GSK3B: variants seen among roughly 807,000 people sequenced by gnomAD.
The protein encoded by GSK3B is glycogen synthase kinase-3 beta.
GSK3B carries 15 observed loss-of-function variants against 56.4 expected under a neutral mutation model. The ratio of observed to expected loss-of-function variants is 0.27; its 90% CI spans 0.18 to 0.41. The LOEUF (loss-of-function observed/expected upper bound fraction) is 0.41, where lower values mean the gene tolerates loss of function less well. GSK3B is among the 10% of genes least tolerant of loss of function. The pLI, the probability that GSK3B is intolerant of heterozygous loss-of-function variation, is 1.00. For synonymous variants in GSK3B, 181 were observed against 188.9 expected, an observed-to-expected ratio of 0.96 and a Z score of 0.34; for missense variants, 300 against 513.4, an observed-to-expected ratio of 0.58 and a Z score of 4.02.
At chr3:120,002,686 TAATTACTTC>T (rs1240291192) in intron 1 of GSK3B, among the ~76,000 whole-genome samples, 1 of 152,242 alleles carries the variant, frequency 6.6e-6, no homozygotes, top group Non-Finnish European at 1.5e-5. Context: ...TTATTACATG[TAATTACTTC>T]AATTACTTGT....
chr3:119,995,927 G>A (rs766410520), intron 2 of GSK3B, among the ~76,000 whole-genome samples: 1 of 151,566 alleles, frequency 6.6e-6, no homozygotes, highest in Non-Finnish European at 1.5e-5. Flanking sequence ...TAGTAGAGAC[G>A]GGATTTTGCC....
At chr3:120,062,518 GAACA>G (rs2058246265) in intron 1 of GSK3B, among the ~76,000 whole-genome samples, 1 of 152,092 alleles carries the variant, frequency 6.6e-6, no homozygotes. Flanking sequence ...TCATTTAAAA[GAACA>G]GATACTTAAG....
intron 9 of GSK3B, among the ~76,000 whole-genome samples, chr3:119,854,034 T>A (rs1395426140): frequency 6.6e-6 from 1 of 151,244 alleles, no homozygotes; most frequent in Non-Finnish European, 1.5e-5. Flanking sequence ...TTTTGCCCAT[T>A]CAGTATGATA....
intron 6 of GSK3B, among the ~76,000 whole-genome samples, chr3:119,909,905 T>C (rs987362314): frequency 2.0e-5 from 3 of 152,234 alleles, no homozygotes; most frequent in African/African-American, 7.2e-5. Context: ...CTCTATTCAG[T>C]TCCTTCTATG....
chr3:119,898,683 C>T (rs1026277314), intron 7 of GSK3B, among the ~76,000 whole-genome samples: 4 of 152,182 alleles, frequency 2.6e-5, no homozygotes, highest in Non-Finnish European at 2.9e-5. Context: ...CCTGTATATA[C>T]GGTAATACAG....
intron 2 of GSK3B, among the ~76,000 whole-genome samples, chr3:119,958,216 T>C (rs2057234425): frequency 6.6e-6 from 1 of 152,138 alleles, no homozygotes; most frequent in Non-Finnish European, 1.5e-5. Context: ...GCCATGACTG[T>C]AAATTTCCTA....
At chr3:119,966,590 C>G (rs975547843) in intron 2 of GSK3B, among the ~76,000 whole-genome samples, 1 of 152,228 alleles carries the variant, frequency 6.6e-6, no homozygotes, top group African/African-American at 2.4e-5. Context: ...AATCGCCAAC[C>G]ACATTAAGGA....
intron 9 of GSK3B, among the ~76,000 whole-genome samples, chr3:119,845,695 T>C (rs2055845480): frequency 6.6e-6 from 1 of 152,194 alleles, no homozygotes; most frequent in Admixed American, 6.5e-5. Flanking sequence ...TACATGCTAA[T>C]GGATAGGAAG....
intron 2 of GSK3B, among the ~76,000 whole-genome samples, chr3:119,986,328 G>C (rs1466619578): frequency 6.6e-6 from 1 of 152,124 alleles, no homozygotes; most frequent in African/African-American, 2.4e-5. Flanking sequence ...AGCCAAAATA[G>C]ACAAATGGGA....
chr3:119,918,080 T>C (rs1166997778), intron 4 of GSK3B, among the ~76,000 whole-genome samples: 1 of 152,104 alleles, frequency 6.6e-6, no homozygotes, highest in East Asian at 1.9e-4. Context: ...ACACACACAA[T>C]ATTCTGTAGT....
chr3:119,976,366 T>G (rs1391015218), intron 2 of GSK3B, among the ~76,000 whole-genome samples: 2 of 152,132 alleles, frequency 1.3e-5, no homozygotes, highest in Admixed American at 1.3e-4. Flanking sequence ...ATGTGGCATG[T>G]CCATACAATG....
At chr3:119,945,322 T>C (rs1382346452) in intron 3 of GSK3B, among the ~76,000 whole-genome samples, 1 of 152,096 alleles carries the variant, frequency 6.6e-6, no homozygotes, top group African/African-American at 2.4e-5. Context: ...TTTTGGAAAA[T>C]TTACAAAGCT....
At chr3:120,066,058 G>T (rs2058275758) in intron 1 of GSK3B, among the ~76,000 whole-genome samples, 1 of 152,148 alleles carries the variant, frequency 6.6e-6, no homozygotes, top group African/African-American at 2.4e-5. Flanking sequence ...GGTACTTAAT[G>T]CTAATGATTG....
chr3:119,823,518 GGA>G lies in GSK3B; in HGVS notation c.*3268_*3269del, dbSNP rs141933496. ...ATTTGGGAGGGAAGTAGATAAAAGA[GGA>G]GAGAGAGAGAGCATGGAAGGCTCCC... On this transcript the variant is annotated 3_prime_UTR_variant, in exon 11 of 11. Coordinates refer to ENST00000264235, the MANE Select transcript of GSK3B (RefSeq NM_001146156.2). 2.0e-3 allele frequency: 373 copies of G among 189,236 alleles called. 2 individuals carry two copies. The highest frequency in any genetic ancestry group is 7.0e-3 in the African/African-American group (299 of 42,950). 11.7% of individuals were successfully genotyped at this position (189,236 alleles called of 1,614,324 possible).
intron 10 of GSK3B, among the ~76,000 whole-genome samples, chr3:119,835,901 T>C (rs747458697): frequency 3.3e-5 from 5 of 152,208 alleles, no homozygotes; most frequent in Non-Finnish European, 5.9e-5. Flanking sequence ...GGAGGGTAAC[T>C]GTCATTTTAG....
At chr3:120,025,249 C>T (rs2057913047) in intron 1 of GSK3B, among the ~76,000 whole-genome samples, 1 of 152,108 alleles carries the variant, frequency 6.6e-6, no homozygotes, top group Admixed American at 6.6e-5. Flanking sequence ...GAGGTTGAGG[C>T]ATGAGAATCA....
intron 1 of GSK3B, among the ~76,000 whole-genome samples, chr3:120,053,196 G>C (rs537526534): frequency 4.6e-5 from 7 of 152,162 alleles, no homozygotes; most frequent in Non-Finnish European, 8.8e-5. Context: ...AATTAGCCGG[G>C]TGTGTTGGCG....
chr3:119,859,353 T>C (rs928437389), intron 9 of GSK3B, among the ~76,000 whole-genome samples: 2 of 152,190 alleles, frequency 1.3e-5, no homozygotes, highest in African/African-American at 4.8e-5. Context: ...GGCAGATAAA[T>C]AGATGCACTG....
intron 9 of GSK3B, among the ~76,000 whole-genome samples, chr3:119,859,674 A>G (rs1367598146): frequency 5.3e-5 from 8 of 151,928 alleles, no homozygotes; most frequent in South Asian, 2.1e-4. Flanking sequence ...TTATATCTCA[A>G]TCTTCCTTTT....
Sources: allele counts gnomAD v4.1 joint callset (sites outside exome capture counted in the v4.1 genomes callset), GRCh38; gene constraint gnomAD v4.1.1; transcripts MANE v1.5; gene names NCBI Gene and HGNC (gene_info 2026-07-23, HGNC 2026-07-21).